SYN2: variants seen among roughly 807,000 people sequenced by gnomAD.
SYN2 encodes the protein synapsin II, also known as synapsin-2.
In SYN2, 19 loss-of-function variants were observed where a neutral mutation model predicts 50.9. The ratio of observed to expected loss-of-function variants is 0.37; its 90% CI spans 0.26 to 0.55. The LOEUF (loss-of-function observed/expected upper bound fraction) is 0.55. SYN2 is among the 20% of genes least tolerant of loss of function. The pLI is 0.81. For synonymous variants in SYN2, 255 were observed against 224.9 expected, an observed-to-expected ratio of 1.13 and a Z score of -1.20; for missense variants, 587 against 576.4, an observed-to-expected ratio of 1.02 and a Z score of -0.19.
chr3:12,141,255 G>A (rs1697012275), intron 2 of SYN2, among the ~76,000 whole-genome samples: 1 of 151,326 alleles, frequency 6.6e-6, no homozygotes, highest in Admixed American at 6.6e-5. Context: ...ATAGTGATTG[G>A]GTCCATTTGG....
At chr3:12,173,044 A>G (rs1279408216) in intron 10 of SYN2, among the ~76,000 whole-genome samples, 2 of 152,208 alleles carry the variant, frequency 1.3e-5, no homozygotes, top group Admixed American at 6.5e-5. Flanking sequence ...AAAGATTTAT[A>G]TTCTAAATTG....
At chr3:12,096,809 G>A (rs1406710688) in intron 1 of SYN2, among the ~76,000 whole-genome samples, 1 of 151,320 alleles carries the variant, frequency 6.6e-6, no homozygotes, top group East Asian at 1.9e-4. Flanking sequence ...ATTTAAGCAG[G>A]AAAAAAAATG....
At chr3:12,183,768 T>C in intron 11 of SYN2, 1 of 1,109,052 alleles carries the variant, frequency 9.0e-7, no homozygotes, top group Non-Finnish European at 1.1e-6. Flanking sequence ...AAAAGTAATA[T>C]ATAATGTGGG....
chr3:12,073,740 G>T (rs1355584944), intron 1 of SYN2, among the ~76,000 whole-genome samples: 1 of 152,106 alleles, frequency 6.6e-6, no homozygotes, highest in Non-Finnish European at 1.5e-5. Context: ...TAAAATCTTT[G>T]AAATTTGTTG....
chr3:12,054,548 A>G (rs2125157794), intron 1 of SYN2, among the ~76,000 whole-genome samples: 1 of 152,210 alleles, frequency 6.6e-6, no homozygotes, highest in South Asian at 2.1e-4. Flanking sequence ...TACTTACATT[A>G]TCTGAAAAAT....
At chr3:12,167,349 G>C (rs892440586) in intron 8 of SYN2, 41 bp downstream of exon 8, 1 of 1,578,230 alleles carries the variant, frequency 6.3e-7, no homozygotes, top group African/African-American at 1.3e-5. Flanking sequence ...CCCAGTGAGA[G>C]GGAGGCTTCC....
At chr3:12,119,277 G>A (rs1369753178) in intron 1 of SYN2, among the ~76,000 whole-genome samples, 1 of 151,582 alleles carries the variant, frequency 6.6e-6, no homozygotes, top group Non-Finnish European at 1.5e-5. Context: ...AGCTAGTGCT[G>A]CCTGAACTAT....
chr3:12,034,219 T>C (rs1694444784), intron 1 of SYN2, among the ~76,000 whole-genome samples: 1 of 152,222 alleles, frequency 6.6e-6, no homozygotes, highest in Non-Finnish European at 1.5e-5. Flanking sequence ...TATGTTATTA[T>C]TATAGTCATC....
intron 5 of SYN2, among the ~76,000 whole-genome samples, chr3:12,160,689 T>G (rs1221796536): frequency 6.6e-6 from 1 of 152,170 alleles, no homozygotes; most frequent in Non-Finnish European, 1.5e-5. Context: ...TGAGGCCCAG[T>G]GAGATACAGT....
chr3:12,093,478 G>A (rs1695869879), intron 1 of SYN2, among the ~76,000 whole-genome samples: 1 of 152,128 alleles, frequency 6.6e-6, no homozygotes, highest in Non-Finnish European at 1.5e-5. Context: ...TCTGGGGCTT[G>A]TTCTCCTCCC....
At chr3:12,143,623 T>C (rs1258471687) in intron 3 of SYN2, among the ~76,000 whole-genome samples, 1 of 152,188 alleles carries the variant, frequency 6.6e-6, no homozygotes, top group Admixed American at 6.5e-5. Context: ...ATGATTTTAT[T>C]TTTTTAATGA....
chr3:12,172,893 T>C (rs1379632341), intron 10 of SYN2, among the ~76,000 whole-genome samples: 5 of 152,368 alleles, frequency 3.3e-5, no homozygotes, highest in African/African-American at 7.2e-5. Context: ...TAAGTTAATA[T>C]AGTAAATGTT....
rs1694964749 is a variant in SYN2 at position 12,055,337 on chromosome 3, A to G, written c.377+50409A>G. On this transcript the variant is annotated intron_variant, in intron 1 of 12. Coordinates refer to ENST00000621198, the MANE Select transcript of SYN2 (RefSeq NM_133625.6). ...GACAATGAAAACACTACATAACGAT[A>G]TTTAAGAGATGCAGCAAAGGCAGTA... Among the ~76,000 whole-genome samples, 4 of 152,308 alleles carry G rather than the reference A, an allele frequency of 2.6e-5. No individual in the cohort carries two copies. In the South Asian group the frequency reaches 8.3e-4, roughly 32 times the overall value.
Position 12,075,084 on chromosome 3 carries a change from CATT to C in SYN2, c.378-65565_378-65563del, listed in dbSNP as rs1167457959. On this transcript the variant is annotated intron_variant, in intron 1 of 12. Coordinates refer to ENST00000621198, the MANE Select transcript of SYN2 (RefSeq NM_133625.6). Reference sequence around the variant, plus strand: ...TCATAGCTTACTAAATATGTACTGTCATTAATCTATTCTCCTTACAACAATGTG... The same window carrying C: ...TCATAGCTTACTAAATATGTACTGTCAATCTATTCTCCTTACAACAATGTG... Among the ~76,000 whole-genome samples, 6 of 152,160 alleles carry C rather than the reference CATT, an allele frequency of 3.9e-5. No homozygotes were observed. The East Asian group carries it at 7.7e-4, about 20-fold the overall frequency.
At chr3:12,107,390 A>G (rs1480167194) in intron 1 of SYN2, among the ~76,000 whole-genome samples, 1 of 152,200 alleles carries the variant, frequency 6.6e-6, no homozygotes, top group Non-Finnish European at 1.5e-5. Context: ...ATGTCGTTGC[A>G]GTATAATAAC....
chr3:12,054,859 A>G (rs1275193223), intron 1 of SYN2, among the ~76,000 whole-genome samples: 1 of 152,088 alleles, frequency 6.6e-6, no homozygotes, highest in East Asian at 1.9e-4. Context: ...ATTAACCCAT[A>G]CATTTGATAG....
At chr3:12,117,769 G>T (rs1696464629) in intron 1 of SYN2, among the ~76,000 whole-genome samples, 1 of 152,194 alleles carries the variant, frequency 6.6e-6, no homozygotes, top group African/African-American at 2.4e-5. Flanking sequence ...TTCTGGGAAA[G>T]GATAGAGCTT....
At chr3:12,043,049 A>T (rs1004800105) in intron 1 of SYN2, among the ~76,000 whole-genome samples, 2 of 145,962 alleles carry the variant, frequency 1.4e-5, no homozygotes, top group African/African-American at 5.2e-5. Context: ...GTGAGACAGC[A>T]TCTTGCTCTG....
At chr3:12,075,593 G>T (rs1346375363) in intron 1 of SYN2, among the ~76,000 whole-genome samples, 1 of 151,900 alleles carries the variant, frequency 6.6e-6, no homozygotes. Flanking sequence ...TAGCCTTGCA[G>T]TTTTCTTTAA....
Sources: allele counts gnomAD v4.1 joint callset (sites outside exome capture counted in the v4.1 genomes callset), GRCh38; gene constraint gnomAD v4.1.1; transcripts MANE v1.5; gene names NCBI Gene and HGNC (gene_info 2026-07-23, HGNC 2026-07-21).